The following RFPL1 variants were observed in gnomAD, a reference collection of about 807,000 sequenced individuals.
RFPL1 encodes the protein ret finger protein-like 1.
RFPL1 carries 6 observed loss-of-function variants against 9.6 expected under a neutral mutation model. The ratio of observed to expected loss-of-function variants is 0.62; its 90% CI spans 0.34 to 1.23. RFPL1 has a LOEUF of 1.23. Ranked by LOEUF, RFPL1 falls within the 50% of genes most tolerant of loss-of-function variation. RFPL1 has a pLI of 0.03. For missense variants in RFPL1, 352 were observed against 398.4 expected (o/e 0.88, Z 0.99); for synonymous variants, 145 against 149.4 (o/e 0.97, Z 0.22).
At chr22:29,418,496 CTTTTTTTT>C in the RFPL1 span, among the ~76,000 whole-genome samples, 1,045 of 124,470 alleles carry the variant, frequency 8.4e-3, 15 homozygotes, top group African/African-American at 0.029. Context: ...TCTTCGTCTT[CTTTTTTTT>C]TTTTTTTTTT....
At chr22:29,427,923 C>A in the RFPL1 span, among the ~76,000 whole-genome samples, 3 of 152,208 alleles carry the variant, frequency 2.0e-5, no homozygotes, top group African/African-American at 7.2e-5. Flanking sequence ...TTATCCTACA[C>A]ATCCCTTGTA....
At chr22:29,418,496 CTT>C in the RFPL1 span, among the ~76,000 whole-genome samples, 13 of 124,462 alleles carry the variant, frequency 1.0e-4, no homozygotes, top group East Asian at 2.2e-4. Context: ...TCTTCGTCTT[CTT>C]TTTTTTTTTT....
the RFPL1 span, among the ~76,000 whole-genome samples, chr22:29,430,092 A>T: frequency 5.9e-5 from 9 of 152,322 alleles, no homozygotes; most frequent in East Asian, 1.7e-3. Flanking sequence ...CATGTTTTCT[A>T]GTAGCCACGT....
At chr22:29,391,448 T>C in the RFPL1 span, among the ~76,000 whole-genome samples, 3 of 152,052 alleles carry the variant, frequency 2.0e-5, no homozygotes, top group Admixed American at 1.3e-4. Context: ...TGTTGGTAAA[T>C]GCCACCCGCC....
the RFPL1 span, among the ~76,000 whole-genome samples, chr22:29,393,958 T>G: frequency 1.3e-5 from 2 of 152,060 alleles, no homozygotes; most frequent in Non-Finnish European, 2.9e-5. Context: ...ATTACAGGCA[T>G]GAGCCACCAC....
chr22:29,417,406 G>T, the RFPL1 span, among the ~76,000 whole-genome samples: 1 of 151,586 alleles, frequency 6.6e-6, no homozygotes, highest in African/African-American at 2.4e-5. Flanking sequence ...CTGGCAGGAG[G>T]TCCTTTGCTT....
chr22:29,412,704 A>G, the RFPL1 span, among the ~76,000 whole-genome samples: 45 of 152,120 alleles, frequency 3.0e-4, no homozygotes, highest in African/African-American at 4.1e-4. Context: ...CACACTCCAG[A>G]GATGAGTTCT....
At chr22:29,417,891 G>A in the RFPL1 span, among the ~76,000 whole-genome samples, 2 of 151,782 alleles carry the variant, frequency 1.3e-5, no homozygotes, top group South Asian at 4.2e-4. Flanking sequence ...GTAGTGAGCT[G>A]GGGTGATGAG....
the RFPL1 span, among the ~76,000 whole-genome samples, chr22:29,405,127 C>T: frequency 6.6e-6 from 1 of 152,280 alleles, no homozygotes; most frequent in South Asian, 2.1e-4. Flanking sequence ...TGTCACAGCT[C>T]AGTCATGGTC....
the RFPL1 span, chr22:29,419,104 C>A: frequency 3.5e-4 from 445 of 1,275,394 alleles, no homozygotes; most frequent in Non-Finnish European, 3.5e-4. Flanking sequence ...AAGCTATAAA[C>A]CCTCCCCTGT....
the RFPL1 span, among the ~76,000 whole-genome samples, chr22:29,414,393 G>A: frequency 6.6e-6 from 1 of 152,116 alleles, no homozygotes; most frequent in African/African-American, 2.4e-5. Flanking sequence ...GTAAGTGTGG[G>A]ATTTCAATTA....
chr22:29,437,613 C>T, upstream of RFPL1: 2 of 1,589,200 alleles, frequency 1.3e-6, no homozygotes, highest in Admixed American at 1.7e-5. Flanking sequence ...TGTGGAAGGG[C>T]ATGACCCAGT....
the RFPL1 span, among the ~76,000 whole-genome samples, chr22:29,420,232 G>A: frequency 6.6e-6 from 1 of 152,226 alleles, no homozygotes; most frequent in Non-Finnish European, 1.5e-5. Flanking sequence ...TTCATGATGT[G>A]AGAAAAACAA....
chr22:29,405,784 C>T, the RFPL1 span, among the ~76,000 whole-genome samples: 2 of 152,162 alleles, frequency 1.3e-5, no homozygotes, highest in African/African-American at 2.4e-5. Context: ...CTGCTCTGCC[C>T]GTCCCTCGGG....
the RFPL1 span, among the ~76,000 whole-genome samples, chr22:29,390,535 G>C: frequency 6.6e-6 from 1 of 151,812 alleles, no homozygotes; most frequent in Non-Finnish European, 1.5e-5. Context: ...CAGGAAATTG[G>C]TGGTGTTGGT....
chr22:29,442,098 A>C lies in RFPL1; in HGVS notation c.930A>C (p.Pro310=), dbSNP rs1242906020. The C allele has an allele frequency of 3.8e-6, 6 of 1,583,648 alleles. No homozygotes were observed. The Admixed American group carries it at 1.1e-4, about 28-fold the overall frequency. ...TAAACCCGGGCACTACTGATGCTCC[A>C]GTCCATCCTGGGGAGGCCAAATAAG... Residue 310 remains proline, a synonymous_variant, in exon 2 of 2, where the codon CCA becomes CCC. Transcript: ENST00000354373.
the RFPL1 span, among the ~76,000 whole-genome samples, chr22:29,402,489 T>C: frequency 6.6e-6 from 1 of 152,234 alleles, no homozygotes. Flanking sequence ...GTTCAGTCCC[T>C]ATTTTATAGA....
the RFPL1 span, among the ~76,000 whole-genome samples, chr22:29,408,842 A>G: frequency 1.3e-5 from 2 of 152,320 alleles, no homozygotes; most frequent in Admixed American, 6.5e-5. Flanking sequence ...CAGCCAACAT[A>G]GACTTGCTAA....
chr22:29,413,735 G>A, the RFPL1 span, among the ~76,000 whole-genome samples: 1 of 151,910 alleles, frequency 6.6e-6, no homozygotes, highest in Non-Finnish European at 1.5e-5. Context: ...TATAATTTTT[G>A]TCAAACAGCA....
Sources: gnomAD v4.1 joint callset for allele counts (sites outside exome capture counted in the v4.1 genomes callset) on GRCh38, gnomAD v4.1.1 for gene constraint, MANE v1.5 for transcripts, NCBI Gene and HGNC (gene_info 2026-07-23, HGNC 2026-07-21) for gene names.